LRRC72: variants seen among roughly 807,000 people sequenced by gnomAD.
LRRC72 encodes the protein leucine rich repeat containing 72.
In LRRC72, 41 loss-of-function variants were observed where a neutral mutation model predicts 35.8. The observed-to-expected ratio is 1.15, with a 90% CI of 0.89 to 1.49. The LOEUF is 1.49. LRRC72 is among the 40% of genes most tolerant of loss of function. The probability of loss-of-function intolerance (pLI) is 0.00; values close to 1 mark genes in which losing one functional copy is unlikely to be tolerated. For missense variants in LRRC72, 389 were observed against 330.7 expected, an observed-to-expected ratio of 1.18 and a Z score of -1.37; for synonymous variants, 118 against 119.2, an observed-to-expected ratio of 0.99 and a Z score of 0.07.
intron 3 of LRRC72, among the ~76,000 whole-genome samples, chr7:16,540,025 G>T (rs944044293): frequency 1.3e-5 from 2 of 152,174 alleles, no homozygotes; most frequent in Admixed American, 6.5e-5. Flanking sequence ...TGTGAGAAGA[G>T]GGCCATCATC....
chr7:16,559,122 T>C, intron 5 of LRRC72, 123 bp downstream of exon 5: 2 of 563,916 alleles, frequency 3.5e-6, no homozygotes, highest in East Asian at 3.4e-5. Flanking sequence ...GGCTGGGCAC[T>C]GTGACTCACG....
chr7:16,581,048 A>G (rs1381314907), intron 8 of LRRC72, among the ~76,000 whole-genome samples: 1 of 152,208 alleles, frequency 6.6e-6, no homozygotes, highest in Admixed American at 6.5e-5. Context: ...GTTTTAAAAC[A>G]TGACTGCATG....
intron 3 of LRRC72, among the ~76,000 whole-genome samples, chr7:16,550,555 A>G (rs1046534724): frequency 2.0e-5 from 3 of 152,254 alleles, no homozygotes; most frequent in Non-Finnish European, 4.4e-5. Flanking sequence ...TCTCTAAGTT[A>G]GCAAGGGTTG....
chr7:16,549,007 G>A (rs558549129), intron 3 of LRRC72, among the ~76,000 whole-genome samples: 22 of 152,202 alleles, frequency 1.4e-4, no homozygotes, highest in East Asian at 5.8e-4. Flanking sequence ...AACTTAGCAC[G>A]GAGTCTGGCA....
At chr7:16,558,500 C>T (rs1025556903) in intron 4 of LRRC72, among the ~76,000 whole-genome samples, 2 of 151,990 alleles carry the variant, frequency 1.3e-5, no homozygotes, top group African/African-American at 4.8e-5. Flanking sequence ...ATCTCAGCTA[C>T]GTGGGAGGCT....
At chr7:16,551,660 G>T (rs1422285464) in intron 3 of LRRC72, among the ~76,000 whole-genome samples, 1 of 152,086 alleles carries the variant, frequency 6.6e-6, no homozygotes, top group African/African-American at 2.4e-5. Context: ...ACACATGGAA[G>T]TTCCTGGAGG....
intron 3 of LRRC72, among the ~76,000 whole-genome samples, chr7:16,547,021 C>T (rs928491284): frequency 2.0e-5 from 3 of 152,120 alleles, no homozygotes; most frequent in African/African-American, 7.2e-5. Context: ...GACCCCTGTG[C>T]CCTGCATCCC....
intron 2 of LRRC72, among the ~76,000 whole-genome samples, chr7:16,535,399 T>C (rs1261872538): frequency 6.6e-6 from 1 of 151,970 alleles, no homozygotes; most frequent in African/African-American, 2.4e-5. Context: ...ATGAATGAGA[T>C]AGAAGAGGAG....
At chr7:16,576,181 A>G (rs1337494367) in intron 7 of LRRC72, among the ~76,000 whole-genome samples, 3 of 152,248 alleles carry the variant, frequency 2.0e-5, no homozygotes, top group Non-Finnish European at 4.4e-5. Context: ...TTTAGCCCAG[A>G]GTATGGCTTA....
intron 3 of LRRC72, among the ~76,000 whole-genome samples, chr7:16,539,475 A>G (rs771300033): frequency 6.6e-6 from 1 of 152,268 alleles, no homozygotes. Flanking sequence ...AGCAGAACAT[A>G]AAAGCTTAGA....
chr7:16,531,595 G>A (rs1489081770), intron 1 of LRRC72, among the ~76,000 whole-genome samples: 2 of 152,116 alleles, frequency 1.3e-5, no homozygotes, highest in Non-Finnish European at 2.9e-5. Context: ...CTAAAATTCG[G>A]TGATTGTTTT....
intron 2 of LRRC72, among the ~76,000 whole-genome samples, chr7:16,535,667 T>C (rs1194092571): frequency 3.3e-5 from 5 of 152,210 alleles, no homozygotes; most frequent in Middle Eastern, 3.2e-3. Flanking sequence ...CTTAACCAAA[T>C]GACTGAATTT....
intron 3 of LRRC72, among the ~76,000 whole-genome samples, chr7:16,545,731 T>G (rs193022632): frequency 3.5e-4 from 53 of 152,302 alleles, no homozygotes; most frequent in African/African-American, 1.2e-3. Flanking sequence ...CTCCATATTT[T>G]AAAACTTCTT....
At chr7:16,532,636 G>A in intron 2 of LRRC72, 68 bp downstream of exon 2, 3 of 1,217,688 alleles carry the variant, frequency 2.5e-6, no homozygotes, top group Non-Finnish European at 3.6e-6. Flanking sequence ...ATGTTTCACA[G>A]ATTCAAATGT....
At chr7:16,544,231 A>T (rs1412370159) in intron 3 of LRRC72, among the ~76,000 whole-genome samples, 3 of 152,180 alleles carry the variant, frequency 2.0e-5, no homozygotes, top group African/African-American at 7.2e-5. Flanking sequence ...TCAAATCATT[A>T]TCTAGTGGGT....
chr7:16,563,902 T>C (rs946067284), intron 5 of LRRC72, among the ~76,000 whole-genome samples: 1 of 152,214 alleles, frequency 6.6e-6, no homozygotes, highest in Non-Finnish European at 1.5e-5. Flanking sequence ...CACAAGTCCA[T>C]AGAGTTTTTA....
chr7:16,568,236 G>C (rs1455122154), intron 7 of LRRC72, among the ~76,000 whole-genome samples: 1 of 152,146 alleles, frequency 6.6e-6, no homozygotes, highest in African/African-American at 2.4e-5. Flanking sequence ...ATGATTACAA[G>C]GTGGCTGGTG....
intron 6 of LRRC72, 113 bp downstream of exon 6, chr7:16,566,515 A>C: frequency 1.8e-6 from 1 of 553,202 alleles, no homozygotes; most frequent in Non-Finnish European, 3.0e-6. Flanking sequence ...TATATCTTTG[A>C]ATAATTGTCT....
chr7:16,537,645 T>G lies in LRRC72; in HGVS notation c.183T>G (p.Ile61Met), dbSNP rs1045158194. The stretch of plus-strand genomic sequence containing the variant: ...TTTCCAGGGAACTGACAGAGGTCAT[T>G]GATCTTTCTAGGTTTAAAAAATTAA... The part of the protein sequence containing the change: ...FLSKKELTEV[I>M]DLSRFKKLKY... Residue 61 changes from isoleucine (I) to methionine (M), a missense_variant, in exon 3 of 9, where the codon ATT (isoleucine) becomes ATG (methionine). Coordinates refer to ENST00000401542, the MANE Select transcript of LRRC72 (RefSeq NM_001195280.2). 2.0e-6 allele frequency: 3 copies of G among 1,529,954 alleles called. No homozygotes were observed. Among genetic ancestry groups the G allele is most frequent in the Non-Finnish European group, 2.6e-6 (3 of 1,135,228 alleles). The allele number at this position is 1,529,954 out of a possible 1,614,324, so 94.8% of individuals were successfully genotyped here.
Sources: allele counts gnomAD v4.1 joint callset (sites outside exome capture counted in the v4.1 genomes callset), GRCh38; gene constraint gnomAD v4.1.1; transcripts MANE v1.5; gene names NCBI Gene and HGNC (gene_info 2026-07-23, HGNC 2026-07-21).